The following ABR variants were observed in gnomAD, a reference collection of about 807,000 sequenced individuals.
ABR encodes the protein ABR activator of RhoGEF and GTPase.
ABR carries 35 observed loss-of-function variants against 107.2 expected under a neutral mutation model. The observed-to-expected ratio is 0.33, with a 90% CI of 0.25 to 0.43. The LOEUF (loss-of-function observed/expected upper bound fraction) is 0.43, where lower values mean the gene tolerates loss of function less well. Ranked by LOEUF, ABR falls within the 20% of genes least tolerant of loss-of-function variation. The pLI is 1.00. For missense variants in ABR, 815 were observed against 1,115.2 expected, an observed-to-expected ratio of 0.73 and a Z score of 3.83; for synonymous variants, 498 against 462.0, an observed-to-expected ratio of 1.08 and a Z score of -1.00.
intron 1 of ABR, among the ~76,000 whole-genome samples, chr17:1,196,511 G>C (rs184136825): frequency 1.1e-3 from 167 of 152,076 alleles, no homozygotes; most frequent in African/African-American, 3.8e-3. Flanking sequence ...GACAAAACTG[G>C]GTATTAACTC....
At chr17:1,013,026 C>T in intron 17 of ABR, 79 bp downstream of exon 17, 1 of 1,538,528 alleles carries the variant, frequency 6.5e-7, no homozygotes, top group Admixed American at 1.7e-5. Flanking sequence ...GGAGCAGCCA[C>T]AGGGCCGGGC....
At chr17:1,022,724 C>G (rs1395546936) in intron 16 of ABR, among the ~76,000 whole-genome samples, 4 of 152,220 alleles carry the variant, frequency 2.6e-5, no homozygotes, top group East Asian at 3.9e-4. Context: ...CAGGGTCAGC[C>G]AGGCTCCCTT....
At chr17:1,068,982 T>C (rs1475482646) in intron 9 of ABR, among the ~76,000 whole-genome samples, 1 of 152,206 alleles carries the variant, frequency 6.6e-6, no homozygotes, top group African/African-American at 2.4e-5. Flanking sequence ...GTGGTGAATA[T>C]TCACAGCACT....
chr17:1,175,160 C>T (rs2041873510), intron 1 of ABR, among the ~76,000 whole-genome samples: 2 of 152,232 alleles, frequency 1.3e-5, no homozygotes, highest in Non-Finnish European at 2.9e-5. Flanking sequence ...GCCTGTCATC[C>T]CAGCACTTTG....
Position 1,083,593 on chromosome 17 carries a change from T to G in ABR, c.566A>C (p.Asp189Ala). 2.5e-6 allele frequency: 4 copies of G among 1,613,794 alleles called. No homozygotes were observed. The highest frequency in any genetic ancestry group is 3.4e-6 in the Non-Finnish European group (4 of 1,179,892). ...SQLGVYKAFVDNYKVALETAE... is the reference protein window; with the variant it reads ...SQLGVYKAFVANYKVALETAE... ...TGTCTCCAGAGCGACTTTATAGTTA[T>G]CGACAAACGCTTTGTACACACCGAG... is the stretch of plus-strand genomic sequence containing the variant. The change falls in exon 5 of 23, where the codon GAT (aspartate) becomes GCT (alanine). Residue 189 changes from aspartate to alanine, a missense_variant. This residue lies in a region of ABR where 385 missense variants were observed against 596.9 expected (regional missense o/e 0.64). Coordinates refer to ENST00000302538, the MANE Select transcript of ABR (RefSeq NM_021962.5).
intron 1 of ABR, among the ~76,000 whole-genome samples, chr17:1,171,182 G>T (rs760019639): frequency 6.6e-6 from 1 of 152,226 alleles, no homozygotes; most frequent in Non-Finnish European, 1.5e-5. Context: ...GTGAGGAGTA[G>T]ATGTTCCCAG....
In ABR at chr17:1,037,945, C is replaced by T. The variant is rs1003977025; in HGVS notation, c.1791+12105G>A. On this transcript the variant is annotated intron_variant, in intron 16 of 22. Transcript: ENST00000302538. This position sits in a 1 kb window ranked among gnomAD's most constrained non-coding sequence, Gnocchi z 4.6. ...CAGGAGCTCGGAACAGACACATGGT[C>T]TCCGGTGAGATTTCTTTTCTGCTGA... Among the ~76,000 whole-genome samples, 5 of 152,182 alleles carry T rather than the reference C, an allele frequency of 3.3e-5. No individual in the cohort carries two copies. Among genetic ancestry groups the T allele is most frequent in the African/African-American group, 4.8e-5 (2 of 41,438 alleles).
chr17:1,112,248 A>T (rs2038716923), intron 2 of ABR, among the ~76,000 whole-genome samples: 1 of 152,168 alleles, frequency 6.6e-6, no homozygotes, highest in African/African-American at 2.4e-5. Context: ...CAGGCTCTCG[A>T]TCCGTCTGGG....
intron 16 of ABR, among the ~76,000 whole-genome samples, chr17:1,025,410 C>A (rs1012579146): frequency 6.6e-6 from 1 of 152,214 alleles, no homozygotes; most frequent in African/African-American, 2.4e-5. Flanking sequence ...AAGAATGATG[C>A]CTCGTACAGT....
At chr17:1,115,860 G>A (rs956308214) in intron 2 of ABR, among the ~76,000 whole-genome samples, 11 of 151,682 alleles carry the variant, frequency 7.3e-5, no homozygotes, top group Non-Finnish European at 1.5e-4. Flanking sequence ...CCGGGAGGCG[G>A]AAGCTGCAGT....
chr17:1,057,088 C>G lies in ABR; in HGVS notation c.1396G>C (p.Val466Leu). Residue 466 changes from valine to leucine, a missense_variant, in exon 13 of 23, where the codon GTC becomes CTC. Coordinates refer to ENST00000302538, the MANE Select transcript of ABR (RefSeq NM_021962.5). ...ACCTGGAGCTCCACTGAGCTCAGGA[C>G]AAAGGCCTGGAGATCTGGAGGGAGA... is the stretch of plus-strand genomic sequence containing the variant. ...KLQKKDLQAF[V>L]LSSVELQVLT... 1.2e-6 allele frequency: 2 copies of G among 1,610,978 alleles called. No individual in the cohort carries two copies. Among genetic ancestry groups the G allele is most frequent in the Non-Finnish European group, 1.7e-6 (2 of 1,177,662 alleles).
intron 10 of ABR, among the ~76,000 whole-genome samples, chr17:1,065,475 C>G (rs1597638417): frequency 1.0e-5 from 1 of 99,424 alleles, no homozygotes; most frequent in South Asian, 4.0e-4. Flanking sequence ...GCATGTTCCT[C>G]TAGACGCTGT....
At position 1,076,729 on chromosome 17, in the gene ABR, T is replaced by TG. The variant is rs1214622660; in HGVS notation, c.700+2600dup. ...GGCAGGTGCACGGGGGGGGTGGGGG[T>TG]GGGGGGGGTGGCGGCACTGGGACCA... On this transcript the variant is annotated intron_variant, in intron 6 of 22. Coordinates refer to ENST00000302538, the MANE Select transcript of ABR (RefSeq NM_021962.5). Among the ~76,000 whole-genome samples the TG allele has an allele frequency of 6.6e-3, 90 of 13,534 alleles. 4 individuals are homozygous for TG. The highest frequency in any genetic ancestry group is 0.026 in the Middle Eastern group (1 of 38). The allele number at this position is 13,534 out of a possible 152,430, so 8.9% of individuals were successfully genotyped here.
At chr17:1,090,232 C>A (rs1225500712) in intron 4 of ABR, among the ~76,000 whole-genome samples, 1 of 152,176 alleles carries the variant, frequency 6.6e-6, no homozygotes, top group East Asian at 1.9e-4. Flanking sequence ...GTCAGGAGCA[C>A]AGAGGTGCGG....
intron 1 of ABR, among the ~76,000 whole-genome samples, chr17:1,221,069 C>G (rs143741185): frequency 6.6e-6 from 1 of 152,148 alleles, no homozygotes; most frequent in Admixed American, 6.5e-5. Flanking sequence ...GTGTGGGGCC[C>G]GCTCTAAGAA....
chr17:1,170,937 C>G (rs978552566), intron 1 of ABR, among the ~76,000 whole-genome samples: 1 of 152,084 alleles, frequency 6.6e-6, no homozygotes, highest in African/African-American at 2.4e-5. Flanking sequence ...GCAGGGGGCA[C>G]TCTTGCATAG....
intron 1 of ABR, among the ~76,000 whole-genome samples, chr17:1,223,237 G>A (rs1342976879): frequency 6.6e-6 from 1 of 151,640 alleles, no homozygotes; most frequent in Non-Finnish European, 1.5e-5. Flanking sequence ...AGCCGGGCTT[G>A]GTGGCGGGCA....
At chr17:1,152,804 C>G (rs975058091) in intron 1 of ABR, among the ~76,000 whole-genome samples, 1 of 151,416 alleles carries the variant, frequency 6.6e-6, no homozygotes, top group Admixed American at 6.6e-5. Flanking sequence ...AAAAAAAATT[C>G]TGACACAGGC....
chr17:1,112,292 C>T (rs569096952), intron 2 of ABR, among the ~76,000 whole-genome samples: 3 of 152,356 alleles, frequency 2.0e-5, no homozygotes, highest in East Asian at 1.9e-4. Flanking sequence ...GCAGTGTTCT[C>T]GTTTACCAGC....
Sources: allele counts gnomAD v4.1 joint callset (sites outside exome capture counted in the v4.1 genomes callset), GRCh38; gene constraint gnomAD v4.1.1; regional missense constraint gnomAD v4.1.1; non-coding constraint Gnocchi (gnomAD v3.1); transcripts MANE v1.5; gene names NCBI Gene and HGNC (gene_info 2026-07-23, HGNC 2026-07-21).